PPARA: variants seen among roughly 807,000 people sequenced by gnomAD.
The protein encoded by PPARA is peroxisome proliferator-activated receptor alpha.
A neutral mutation model predicts 42.2 loss-of-function variants in PPARA; 22 were observed. The observed-to-expected ratio is 0.52, with a 90% CI of 0.37 to 0.74. The LOEUF is 0.74. Ranked by LOEUF, PPARA falls within the 30% of genes least tolerant of loss-of-function variation. The pLI, the probability that PPARA is intolerant of heterozygous loss-of-function variation, is 0.00. For synonymous variants in PPARA, 242 were observed against 239.3 expected, an observed-to-expected ratio of 1.01 and a Z score of -0.10; for missense variants, 465 against 608.2, an observed-to-expected ratio of 0.76 and a Z score of 2.48.
In PPARA at chr22:46,192,271, A is replaced by G. The variant is rs542511941; in HGVS notation, c.-42-6071A>G. Among the ~76,000 whole-genome samples the G allele has an allele frequency of 6.6e-6, 1 of 152,232 alleles. No homozygotes were observed. Among genetic ancestry groups the G allele is most frequent in the African/African-American group, 2.4e-5 (1 of 41,474 alleles). Reference sequence around the variant, plus strand: ...TGGGCCCAAGATGCTGCAGGAATCTATAGGTGAATGGGTTTCATGAAGGAA... The same window carrying G: ...TGGGCCCAAGATGCTGCAGGAATCTGTAGGTGAATGGGTTTCATGAAGGAA... On this transcript the variant is annotated intron_variant, in intron 3 of 8. Transcript: ENST00000407236. The surrounding 1 kb of genome is among the most constrained non-coding windows in gnomAD (Gnocchi z 4.3).
rs1470921097 is a variant in PPARA at position 46,200,772 on chromosome 22, G to A, written c.208+2181G>A. ...CTCTACTAAAGAATACAAAACATTA[G>A]CTGGGAGTGGTGGCAGGTGCCTGTA... On this transcript the variant is annotated intron_variant, in intron 4 of 8. Coordinates refer to ENST00000407236, the MANE Select transcript of PPARA (RefSeq NM_005036.6). This position sits in a 1 kb window ranked among gnomAD's most constrained non-coding sequence, Gnocchi z 4.8. 6.6e-6 allele frequency among the ~76,000 whole-genome samples: 1 copy of A among 151,614 alleles called. No homozygotes were observed. Among genetic ancestry groups the A allele is most frequent in the Non-Finnish European group, 1.5e-5 (1 of 67,964 alleles).
chr22:46,179,474 C>G (rs1285811102), intron 3 of PPARA, among the ~76,000 whole-genome samples: 3 of 152,124 alleles, frequency 2.0e-5, no homozygotes, highest in Non-Finnish European at 4.4e-5. Context: ...AAAGGACAGT[C>G]TTTTCAATAA....
rs991560966 is a variant in PPARA at position 46,156,903 on chromosome 22, C to T, written c.-127+4933C>T. Among the ~76,000 whole-genome samples, 1 of 152,168 alleles carries T rather than the reference C, an allele frequency of 6.6e-6. No individual in the cohort carries two copies. Among genetic ancestry groups the T allele is most frequent in the Non-Finnish European group, 1.5e-5 (1 of 68,024 alleles). On this transcript the variant is annotated intron_variant, in intron 2 of 8. Transcript: ENST00000407236. The surrounding 1 kb of genome is among the most constrained non-coding windows in gnomAD (Gnocchi z 5.2). ...AGGCGTGAGCCACCACACCCGGCCT[C>T]CTGTGTGTTTTGAAGGTGATTGTGA...
At chr22:46,166,584 C>G (rs1927089737) in intron 2 of PPARA, among the ~76,000 whole-genome samples, 2 of 150,668 alleles carry the variant, frequency 1.3e-5, no homozygotes, top group Admixed American at 1.3e-4. Context: ...TGCCACTGCA[C>G]TCTAGCCTGG....
rs1429258860 is a variant in PPARA at position 46,180,980 on chromosome 22, G to A, written c.-43+4144G>A. 6.6e-6 allele frequency among the ~76,000 whole-genome samples: 1 copy of A among 152,156 alleles called. No homozygotes were observed. Among genetic ancestry groups the A allele is most frequent in the Non-Finnish European group, 1.5e-5 (1 of 68,040 alleles). On this transcript the variant is annotated intron_variant, in intron 3 of 8. Coordinates refer to ENST00000407236, the MANE Select transcript of PPARA (RefSeq NM_005036.6). This position sits in a 1 kb window ranked among gnomAD's most constrained non-coding sequence, Gnocchi z 4.2. ...AGACAGCACAACGGAACCTATAAAG[G>A]GGTTGCAGGACGGTTCCAGCAGGGG...
At position 46,188,038 on chromosome 22, in the gene PPARA, C is replaced by G. The variant is rs758736119; in HGVS notation, c.-42-10304C>G. Among the ~76,000 whole-genome samples, 1 of 152,200 alleles carries G rather than the reference C, an allele frequency of 6.6e-6. No individual in the cohort carries two copies. Among genetic ancestry groups the G allele is most frequent in the Non-Finnish European group, 1.5e-5 (1 of 68,046 alleles). On this transcript the variant is annotated intron_variant, in intron 3 of 8. Transcript: ENST00000407236. The surrounding 1 kb of genome is among the most constrained non-coding windows in gnomAD (Gnocchi z 5.0). ...AGACTTCATGGTGAGAAATACCTAG[C>G]GAACAGCCTGGCACCAGCTACCAGG...
At position 46,179,041 on chromosome 22, in the gene PPARA, C is replaced by T. The variant is rs551711097; in HGVS notation, c.-43+2205C>T. 3.2e-4 allele frequency among the ~76,000 whole-genome samples: 48 copies of T among 152,290 alleles called. No individual in the cohort carries two copies. In the East Asian group the frequency reaches 7.5e-3, roughly 24 times the overall value. On this transcript the variant is annotated intron_variant, in intron 3 of 8. Transcript: ENST00000407236. ...TCCGGTGAGGGCCTTCCTGCTGGATCGTGACATGAAGCAAGGCAAAGAGCC... is the reference window on the plus strand; with the variant it reads ...TCCGGTGAGGGCCTTCCTGCTGGATTGTGACATGAAGCAAGGCAAAGAGCC...
At position 46,237,327 on chromosome 22, in the gene PPARA, G is replaced by T. The variant is rs1936249287; in HGVS notation, c.*1947G>T. The T allele has an allele frequency of 6.6e-6, 1 of 152,290 alleles. No homozygotes were observed. The highest frequency in any genetic ancestry group is 2.4e-5 in the African/African-American group (1 of 41,446). The allele number at this position is 152,290 out of a possible 1,614,324, so 9.4% of individuals were successfully genotyped here. A position where few individuals can be genotyped will look rare whatever the true frequency, so the allele number is the denominator to read the frequency against. On this transcript the variant is annotated 3_prime_UTR_variant, in exon 9 of 9. Coordinates refer to ENST00000407236, the MANE Select transcript of PPARA (RefSeq NM_005036.6). The surrounding 1 kb of genome is among the most constrained non-coding windows in gnomAD (Gnocchi z 6.7). ...GGTTTTTGTAATCAGGCTAGGCACAGTGGCTCACACATGGAATCCCAGCAC... is the reference window on the plus strand; with the variant it reads ...GGTTTTTGTAATCAGGCTAGGCACATTGGCTCACACATGGAATCCCAGCAC...
Position 46,240,744 on chromosome 22 carries a change from C to T in PPARA, c.*5364C>T, listed in dbSNP as rs1046111540. On this transcript the variant is annotated 3_prime_UTR_variant, in exon 9 of 9. Transcript: ENST00000407236. This position sits in a 1 kb window ranked among gnomAD's most constrained non-coding sequence, Gnocchi z 6.0. Reference sequence around the variant, plus strand: ...CAAGCATGGGGAAGTATCTGCTCTTCTCATGTTAAAAGTGGCCCAGCTTTT... The same window carrying T: ...CAAGCATGGGGAAGTATCTGCTCTTTTCATGTTAAAAGTGGCCCAGCTTTT... The T allele has an allele frequency of 2.0e-5, 3 of 152,604 alleles. No homozygotes were observed. The highest frequency in any genetic ancestry group is 7.2e-5 in the African/African-American group (3 of 41,408). The allele number at this position is 152,604 out of a possible 1,614,324, so 9.5% of individuals were successfully genotyped here.
intron 3 of PPARA, among the ~76,000 whole-genome samples, chr22:46,197,015 C>T (rs1932322763): frequency 6.6e-6 from 1 of 151,878 alleles, no homozygotes; most frequent in African/African-American, 2.4e-5. Flanking sequence ...GCCACTGCAC[C>T]CGACCCTGTT....
rs1215079734 is a variant in PPARA at position 46,199,147 on chromosome 22, A to C, written c.208+556A>C. On this transcript the variant is annotated intron_variant, in intron 4 of 8. Transcript: ENST00000407236. ...AGATTCAGTCACGGGGAACAGCTAA[A>C]GTACACAGACCCTAACCCCAGCAAG... Among the ~76,000 whole-genome samples, 3 of 152,158 alleles carry C rather than the reference A, an allele frequency of 2.0e-5. No homozygotes were observed. The East Asian group carries it at 5.8e-4, about 29-fold the overall frequency.
rs960369113 is a variant in PPARA at position 46,219,093 on chromosome 22, C to T, written c.508+692C>T. Among the ~76,000 whole-genome samples the T allele has an allele frequency of 2.6e-5, 4 of 151,250 alleles. No individual in the cohort carries two copies. Among genetic ancestry groups the T allele is most frequent in the Non-Finnish European group, 5.9e-5 (4 of 67,896 alleles). On this transcript the variant is annotated intron_variant, in intron 6 of 8. Transcript: ENST00000407236. The surrounding 1 kb of genome is among the most constrained non-coding windows in gnomAD (Gnocchi z 4.8). ...AGGAGAATAGCTTGAACCCGGGAGG[C>T]GGAGGTTGCAGTGAGCTGAGATCGC... is the stretch of plus-strand genomic sequence containing the variant.
chr22:46,208,736 C>A (rs559990940), intron 4 of PPARA, among the ~76,000 whole-genome samples: 1 of 152,094 alleles, frequency 6.6e-6, no homozygotes, highest in Non-Finnish European at 1.5e-5. Context: ...AACCACCATT[C>A]CACTCTCTAC....
rs978173059 is a variant in PPARA at position 46,216,337 on chromosome 22, C to T, written c.369+1004C>T. Among the ~76,000 whole-genome samples the T allele has an allele frequency of 1.3e-5, 2 of 149,816 alleles. No homozygotes were observed. The highest frequency in any genetic ancestry group is 2.0e-4 in the East Asian group (1 of 5,122). ...GGCGGAGGTTGCAGTGAGCTGAGATCGAGCCATTTCACTCCAGCCTAGGCG... is the reference window on the plus strand; with the variant it reads ...GGCGGAGGTTGCAGTGAGCTGAGATTGAGCCATTTCACTCCAGCCTAGGCG... On this transcript the variant is annotated intron_variant, in intron 5 of 8. Coordinates refer to ENST00000407236, the MANE Select transcript of PPARA (RefSeq NM_005036.6). The surrounding 1 kb of genome is among the most constrained non-coding windows in gnomAD (Gnocchi z 4.5).
rs1924234178 is a variant in PPARA, at chr22:46,150,635, C to G, written c.-227C>G. The G allele has an allele frequency of 8.4e-6, 1 of 119,142 alleles. No individual in the cohort carries two copies. The highest frequency in any genetic ancestry group is 3.0e-4 in the South Asian group (1 of 3,320). 7.4% of individuals were successfully genotyped at this position (119,142 alleles called of 1,614,324 possible). On this transcript the variant is annotated 5_prime_UTR_variant, in exon 1 of 9. Transcript: ENST00000407236. This position sits in a 1 kb window ranked among gnomAD's most constrained non-coding sequence, Gnocchi z 7.5. ...GGCGTTCGCCCCACGGACCGGCAGG[C>G]GGCGGACCGCGGCCCAGGTGCCCGG... is the stretch of plus-strand genomic sequence containing the variant.
intron 2 of PPARA, among the ~76,000 whole-genome samples, chr22:46,172,381 C>T (rs1235261465): frequency 6.7e-6 from 1 of 149,228 alleles, no homozygotes; most frequent in Non-Finnish European, 1.5e-5. Flanking sequence ...GTAATCCCAG[C>T]ATTTTGGGAG....
rs1932223780 is a variant in PPARA at position 46,196,274 on chromosome 22, C to T, written c.-42-2068C>T. ...CGCTTTGCTAGTTGAAATAGCCTAC[C>T]ATTGTCTGGGACTCACCCAGTTAGA... On this transcript the variant is annotated intron_variant, in intron 3 of 8. Transcript: ENST00000407236. This position sits in a 1 kb window ranked among gnomAD's most constrained non-coding sequence, Gnocchi z 5.6. 6.6e-6 allele frequency among the ~76,000 whole-genome samples: 1 copy of T among 152,182 alleles called. No homozygotes were observed. The highest frequency in any genetic ancestry group is 2.4e-5 in the African/African-American group (1 of 41,420).
chr22:46,174,185 G>A (rs1297166981), intron 2 of PPARA, among the ~76,000 whole-genome samples: 2 of 116,422 alleles, frequency 1.7e-5, no homozygotes, highest in Non-Finnish European at 3.3e-5. Context: ...TTGAAAGAAG[G>A]AAGAAAGAGA....
At position 46,182,808 on chromosome 22, in the gene PPARA, C is replaced by T. The variant is rs370130235; in HGVS notation, c.-43+5972C>T. ...CGTCCAGGCTGGAGTGCAATGGCACCGTCTCAGAGCACTGTAACCTCCGCC... is the reference window on the plus strand; with the variant it reads ...CGTCCAGGCTGGAGTGCAATGGCACTGTCTCAGAGCACTGTAACCTCCGCC... On this transcript the variant is annotated intron_variant, in intron 3 of 8. Coordinates refer to ENST00000407236, the MANE Select transcript of PPARA (RefSeq NM_005036.6). This position sits in a 1 kb window ranked among gnomAD's most constrained non-coding sequence, Gnocchi z 5.2. Among the ~76,000 whole-genome samples the T allele has an allele frequency of 3.3e-5, 5 of 152,038 alleles. No homozygotes were observed. Among genetic ancestry groups the T allele is most frequent in the East Asian group, 1.9e-4 (1 of 5,202 alleles).
Sources: gnomAD v4.1 joint callset for allele counts (sites outside exome capture counted in the v4.1 genomes callset) on GRCh38, gnomAD v4.1.1 for gene constraint, Gnocchi (gnomAD v3.1) non-coding constraint, MANE v1.5 for transcripts, NCBI Gene and HGNC (gene_info 2026-07-23, HGNC 2026-07-21) for gene names.